PCDHGA7: variants seen among roughly 807,000 people sequenced by gnomAD.
PCDHGA7 encodes protocadherin gamma-A7.
A neutral mutation model predicts 58.3 loss-of-function variants in PCDHGA7; 44 were observed. The ratio of observed to expected loss-of-function variants is 0.75; its 90% confidence interval spans 0.59 to 0.97. The LOEUF (loss-of-function observed/expected upper bound fraction) is 0.97, where lower values mean the gene tolerates loss of function less well. Among genes scored for constraint, PCDHGA7 ranks in the 50% least tolerant of loss-of-function variants. The probability of loss-of-function intolerance (pLI) is 0.00; values close to 1 mark genes in which losing one functional copy is unlikely to be tolerated. For synonymous variants in PCDHGA7, 516 were observed against 504.2 expected (o/e 1.02, Z -0.31); for missense variants, 1,266 against 1,188.7 (o/e 1.06, Z -0.96).
At chr5:141,444,125 C>A (rs1459174213) in intron 1 of PCDHGA7, among the ~76,000 whole-genome samples, 2 of 130,784 alleles carry the variant, frequency 1.5e-5, no homozygotes, top group African/African-American at 5.7e-5. Flanking sequence ...AGTATCTCAA[C>A]AGATATGTGT....
chr5:141,388,936 C>A, intron 1 of PCDHGA7: 4 of 1,613,926 alleles, frequency 2.5e-6, no homozygotes, highest in Non-Finnish European at 3.4e-6. Context: ...CAGTCTCTAC[C>A]CAACCTAATT....
rs201021035 is a variant in PCDHGA7 at position 141,398,584 on chromosome 5, A to G, written c.2424+13261A>G. 8.7e-5 allele frequency: 141 copies of G among 1,614,066 alleles called. 1 individual carries two copies. In the African/African-American group the frequency reaches 1.0e-3, roughly 12 times the overall value. ...GTCTGCACAGCCTGGCACAAGATTT[A>G]TACTAGAAGTAGCAGAAGATGCAGA... On this transcript the variant is annotated intron_variant, in intron 1 of 3. Transcript: ENST00000518325.
intron 1 of PCDHGA7, chr5:141,419,128 A>T (rs1298102722): frequency 1.2e-6 from 2 of 1,613,768 alleles, no homozygotes; most frequent in East Asian, 2.2e-5. Flanking sequence ...TCACCATCGC[A>T]GCCACAGACA....
chr5:141,428,492 A>C (rs2097142759), intron 1 of PCDHGA7: 1 of 307,660 alleles, frequency 3.3e-6, no homozygotes. Flanking sequence ...TGCAATCTGT[A>C]TGTTCCCTCG....
chr5:141,485,134 C>T lies in PCDHGA7; in HGVS notation c.2425-9673C>T. The T allele has an allele frequency of 6.7e-7, 1 of 1,495,958 alleles. No homozygotes were observed. The highest frequency in any genetic ancestry group is 1.4e-5 in the African/African-American group (1 of 72,714). 92.7% of individuals were successfully genotyped at this position (1,495,958 alleles called of 1,614,324 possible). On this transcript the variant is annotated intron_variant, in intron 1 of 3. Transcript: ENST00000518325. The surrounding 1 kb of genome is among the most constrained non-coding windows in gnomAD (Gnocchi z 5.7). Reference sequence around the variant, plus strand: ...CTGTTTGGGGCGGGTCGGCTTCATCCGCGTCTCAGGAGCAAGTAGAGAATT... The same window carrying T: ...CTGTTTGGGGCGGGTCGGCTTCATCTGCGTCTCAGGAGCAAGTAGAGAATT...
At chr5:141,507,724 G>A (rs2099862962) in intron 3 of PCDHGA7, among the ~76,000 whole-genome samples, 1 of 152,256 alleles carries the variant, frequency 6.6e-6, no homozygotes. Context: ...CTCCAAGCAA[G>A]TCATGCAGCT....
At chr5:141,492,240 C>T (rs1031016944) in intron 1 of PCDHGA7, among the ~76,000 whole-genome samples, 1 of 152,242 alleles carries the variant, frequency 6.6e-6, no homozygotes, top group African/African-American at 2.4e-5. Flanking sequence ...CTGCTGGCCA[C>T]CCCCACGGCC....
rs762386846 is a variant in PCDHGA7 at position 141,383,188 on chromosome 5, G to T, written c.289G>T (p.Ala97Ser). The T allele has an allele frequency of 1.6e-5, 26 of 1,614,064 alleles. No individual in the cohort carries two copies. Among genetic ancestry groups the T allele is most frequent in the Non-Finnish European group, 2.1e-5 (25 of 1,179,944 alleles). Residue 97 changes from alanine to serine, a missense_variant, in exon 1 of 4, where the codon GCT (alanine) becomes TCT (serine). Physicochemically the swap from Ala to Ser is moderately conservative, Grantham distance 99. Coordinates refer to ENST00000518325, the MANE Select transcript of PCDHGA7 (RefSeq NM_018920.4). The part of the protein sequence containing the change: ...AGRIDREEIC[A>S]QSARCLVNFN... ...CAGGATAGACCGGGAAGAGATCTGC[G>T]CTCAGAGTGCGCGGTGTCTGGTAAA... is the stretch of plus-strand genomic sequence containing the variant.
intron 1 of PCDHGA7, chr5:141,403,197 G>T: frequency 6.2e-7 from 1 of 1,613,986 alleles, no homozygotes; most frequent in Non-Finnish European, 8.5e-7. Flanking sequence ...CCGCGCAGCG[G>T]CACCTTGGTC....
chr5:141,486,909 C>T lies in PCDHGA7; in HGVS notation c.2425-7898C>T, dbSNP rs759702188. ...CGGCCTGGTTCCTTATGTCCCCAAGCACTGCCTCCATCAGTTGGTGCTGGC... is the reference window on the plus strand; with the variant it reads ...CGGCCTGGTTCCTTATGTCCCCAAGTACTGCCTCCATCAGTTGGTGCTGGC... On this transcript the variant is annotated intron_variant, in intron 1 of 3. Transcript: ENST00000518325. This position sits in a 1 kb window ranked among gnomAD's most constrained non-coding sequence, Gnocchi z 5.0. 2 of 1,614,262 alleles carry T rather than the reference C, an allele frequency of 1.2e-6. No homozygotes were observed. Among genetic ancestry groups the T allele is most frequent in the Non-Finnish European group, 1.7e-6 (2 of 1,180,054 alleles).
In PCDHGA7 at chr5:141,409,393, T is replaced by C. The variant is rs539937433; in HGVS notation, c.2424+24070T>C. 4.8e-5 allele frequency: 77 copies of C among 1,614,062 alleles called. 1 individual carries two copies. In the East Asian group the frequency reaches 1.7e-3, roughly 35 times the overall value. On this transcript the variant is annotated intron_variant, in intron 1 of 3. Coordinates refer to ENST00000518325, the MANE Select transcript of PCDHGA7 (RefSeq NM_018920.4). ...ACATTCCATTCAAGATTTATTCTTC[T>C]TCCAATAACTACTACAAACTGGTGA...
At chr5:141,475,132 T>C (rs563015610) in intron 1 of PCDHGA7, among the ~76,000 whole-genome samples, 14 of 152,322 alleles carry the variant, frequency 9.2e-5, no homozygotes, top group African/African-American at 2.6e-4. Context: ...TTTTTTCTTT[T>C]TGAAATCTTC....
chr5:141,384,650 C>G lies in PCDHGA7; in HGVS notation c.1751C>G (p.Pro584Arg), dbSNP rs1213467381. The change falls in exon 1 of 4, where the codon CCC (proline) becomes CGC (arginine). Residue 584 changes from proline (P) to arginine (R), a missense_variant. Transcript: ENST00000518325. ...GMELAPRSAE[P>R]GYLVTKVVAV... ...GAGCTGGCACCCCGCTCCGCAGAGC[C>G]CGGCTACCTGGTGACCAAGGTGGTG... The G allele has an allele frequency of 2.5e-6, 4 of 1,614,222 alleles. No homozygotes were observed. Among genetic ancestry groups the G allele is most frequent in the Non-Finnish European group, 3.4e-6 (4 of 1,180,042 alleles).
At chr5:141,420,386 AT>A (rs2096493306) in intron 1 of PCDHGA7, 1 of 1,284,798 alleles carries the variant, frequency 7.8e-7, no homozygotes, top group African/African-American at 1.5e-5. Flanking sequence ...AGTTCGCAAA[AT>A]ATAGGTCAAA....
rs771804151 is a variant in PCDHGA7, at chr5:141,486,704, A to G, written c.2425-8103A>G. On this transcript the variant is annotated intron_variant, in intron 1 of 3. Coordinates refer to ENST00000518325, the MANE Select transcript of PCDHGA7 (RefSeq NM_018920.4). The surrounding 1 kb of genome is among the most constrained non-coding windows in gnomAD (Gnocchi z 5.0). ...ATCAGCTTCCTCTTTCATCTCTCTG[A>G]ACCCCCAGACAGGAGCTGTTCATGC... 2.2e-5 allele frequency: 35 copies of G among 1,614,016 alleles called. No homozygotes were observed. Among genetic ancestry groups the G allele is most frequent in the Non-Finnish European group, 2.7e-5 (32 of 1,180,032 alleles).
At chr5:141,409,184 T>C in intron 1 of PCDHGA7, 1 of 1,614,044 alleles carries the variant, frequency 6.2e-7, no homozygotes, top group Non-Finnish European at 8.5e-7. Context: ...AGGTGGTCTC[T>C]CTACCCAGTG....
chr5:141,450,832 T>A (rs192186566), intron 1 of PCDHGA7, among the ~76,000 whole-genome samples: 5,292 of 142,276 alleles, frequency 0.037, 115 homozygotes, highest in Middle Eastern at 0.096. Flanking sequence ...TATTATTATT[T>A]TTTTTTTTTT....
rs770638374 is a variant in PCDHGA7 at position 141,409,524 on chromosome 5, A to G, written c.2424+24201A>G. On this transcript the variant is annotated intron_variant, in intron 1 of 3. Coordinates refer to ENST00000518325, the MANE Select transcript of PCDHGA7 (RefSeq NM_018920.4). ...TCTTCCAGTAGAAGCATCACCTTGTATGTCGCTGACATCAACGACAACGCC... is the reference window on the plus strand; with the variant it reads ...TCTTCCAGTAGAAGCATCACCTTGTGTGTCGCTGACATCAACGACAACGCC... 11 of 1,613,972 alleles carry G rather than the reference A, an allele frequency of 6.8e-6. No homozygotes were observed. In the South Asian group the frequency reaches 1.1e-4, roughly 16 times the overall value.
intron 1 of PCDHGA7, chr5:141,403,278 T>C (rs1254967384): frequency 1.2e-6 from 2 of 1,613,784 alleles, no homozygotes; most frequent in Non-Finnish European, 1.7e-6. Context: ...TTTAAAGTCC[T>C]GGTTGAAGAC....
Sources: gnomAD v4.1 joint callset for allele counts (sites outside exome capture counted in the v4.1 genomes callset) on GRCh38, gnomAD v4.1.1 for gene constraint, Gnocchi (gnomAD v3.1) non-coding constraint, MANE v1.5 for transcripts, NCBI Gene and HGNC (gene_info 2026-07-23, HGNC 2026-07-21) for gene names.